The following TSPAN9 variants were observed in gnomAD, a reference collection of about 807,000 sequenced individuals.
The protein encoded by TSPAN9 is tetraspanin 9.
TSPAN9 carries 16 observed loss-of-function variants against 31.0 expected under a neutral mutation model. The ratio of observed to expected loss-of-function variants is 0.52; its 90% confidence interval spans 0.35 to 0.78. The LOEUF (loss-of-function observed/expected upper bound fraction) is 0.78, where lower values mean the gene tolerates loss of function less well. Among genes scored for constraint, TSPAN9 ranks in the 30% least tolerant of loss-of-function variants. TSPAN9 has a pLI of 0.01. For missense variants in TSPAN9, 272 were observed against 312.5 expected, an observed-to-expected ratio of 0.87 and a Z score of 0.98; for synonymous variants, 145 against 121.6, an observed-to-expected ratio of 1.19 and a Z score of -1.27.
At chr12:3,149,384 T>C (rs895134465) in intron 2 of TSPAN9, among the ~76,000 whole-genome samples, 5 of 152,232 alleles carry the variant, frequency 3.3e-5, no homozygotes, top group African/African-American at 1.2e-4. Context: ...GCCAGATACA[T>C]GCCTTGCCTT....
chr12:3,206,854 A>G (rs1409968695), intron 3 of TSPAN9, among the ~76,000 whole-genome samples: 1 of 152,234 alleles, frequency 6.6e-6, no homozygotes, highest in Non-Finnish European at 1.5e-5. Context: ...ATAACAGAGT[A>G]GAGCAAGTGA....
intron 2 of TSPAN9, among the ~76,000 whole-genome samples, chr12:3,116,697 C>G (rs1338453173): frequency 6.6e-6 from 1 of 152,152 alleles, no homozygotes; most frequent in Non-Finnish European, 1.5e-5. Flanking sequence ...AGGTTTTCAG[C>G]CCTGCCTTTC....
intron 2 of TSPAN9, among the ~76,000 whole-genome samples, chr12:3,131,306 A>T (rs2153966990): frequency 6.6e-6 from 1 of 152,304 alleles, no homozygotes; most frequent in Admixed American, 6.5e-5. Context: ...AGCAAGCGAC[A>T]GTGGGACTTG....
intron 2 of TSPAN9, among the ~76,000 whole-genome samples, chr12:3,140,146 G>A (rs1477418843): frequency 1.4e-4 from 1 of 6,940 alleles, no homozygotes. Flanking sequence ...TGTGGCCCGT[G>A]GACCTGGGCT....
At chr12:3,247,052 C>A (rs925269630) in intron 3 of TSPAN9, among the ~76,000 whole-genome samples, 5 of 152,124 alleles carry the variant, frequency 3.3e-5, no homozygotes, top group African/African-American at 1.2e-4. Context: ...TTTTTCAGGG[C>A]AGAGAAGAGG....
At chr12:3,209,618 G>A (rs1480835176) in intron 3 of TSPAN9, among the ~76,000 whole-genome samples, 1 of 152,158 alleles carries the variant, frequency 6.6e-6, no homozygotes, top group African/African-American at 2.4e-5. Context: ...GAGTGAGTCA[G>A]CTGATGGTGT....
chr12:3,203,095 G>A (rs1423450919), intron 3 of TSPAN9, among the ~76,000 whole-genome samples: 2 of 152,072 alleles, frequency 1.3e-5, no homozygotes, highest in Admixed American at 6.6e-5. Flanking sequence ...AGCCTTATTA[G>A]GAAGACAGAC....
intron 3 of TSPAN9, among the ~76,000 whole-genome samples, chr12:3,251,669 G>A (rs1862245561): frequency 6.6e-6 from 1 of 152,220 alleles, no homozygotes; most frequent in African/African-American, 2.4e-5. Flanking sequence ...TTAGTTTTAA[G>A]GGACAGAGGG....
At chr12:3,201,406 C>T in intron 3 of TSPAN9, 150 bp downstream of exon 3, 1 of 675,442 alleles carries the variant, frequency 1.5e-6, no homozygotes, top group Non-Finnish European at 2.5e-6. Flanking sequence ...CCCCGCCCCC[C>T]TTTCATGCAC....
chr12:3,249,824 A>G (rs115998689), intron 3 of TSPAN9, among the ~76,000 whole-genome samples: 2 of 152,150 alleles, frequency 1.3e-5, no homozygotes, highest in South Asian at 2.1e-4. Flanking sequence ...TGAACTCTGG[A>G]TGTCAGACTC....
At chr12:3,145,532 T>G (rs1368492816) in intron 2 of TSPAN9, among the ~76,000 whole-genome samples, 2 of 152,080 alleles carry the variant, frequency 1.3e-5, no homozygotes, top group Non-Finnish European at 2.9e-5. Flanking sequence ...GGCAGAAGAC[T>G]CAAGTGCATA....
intron 3 of TSPAN9, among the ~76,000 whole-genome samples, chr12:3,233,287 A>T (rs1412907558): frequency 6.6e-6 from 1 of 152,228 alleles, no homozygotes; most frequent in East Asian, 1.9e-4. Context: ...AATACAAAAG[A>T]ATACATGTAA....
At chr12:3,255,327 C>T (rs1857011188) in intron 3 of TSPAN9, among the ~76,000 whole-genome samples, 1 of 152,204 alleles carries the variant, frequency 6.6e-6, no homozygotes, top group South Asian at 2.1e-4. Context: ...GGAGACATGG[C>T]CCCCAGGCTG....
intron 2 of TSPAN9, among the ~76,000 whole-genome samples, chr12:3,175,904 G>A (rs1389438388): frequency 2.6e-5 from 4 of 152,258 alleles, no homozygotes; most frequent in Non-Finnish European, 2.9e-5. Flanking sequence ...TCTGGGAATC[G>A]GCACACTGCA....
intron 3 of TSPAN9, among the ~76,000 whole-genome samples, chr12:3,274,214 A>G (rs188927950): frequency 4.7e-4 from 72 of 152,306 alleles, no homozygotes; most frequent in Non-Finnish European, 8.5e-4. Flanking sequence ...GACATGCCAC[A>G]TGTTCCCTGG....
chr12:3,165,526 TAGTG>T (rs1365986028), intron 2 of TSPAN9, among the ~76,000 whole-genome samples: 4 of 152,136 alleles, frequency 2.6e-5, no homozygotes, highest in Non-Finnish European at 4.4e-5. Context: ...TTTAAAATGT[TAGTG>T]AGTGAGTTCT....
chr12:3,125,224 T>C (rs35630203), intron 2 of TSPAN9, among the ~76,000 whole-genome samples: 1 of 151,234 alleles, frequency 6.6e-6, no homozygotes, highest in Non-Finnish European at 1.5e-5. Context: ...TTTTTTTTTT[T>C]ATGTTATGTA....
rs1307943393 is a variant in TSPAN9, at chr12:3,280,662, G to A, written c.432+179G>A. Among the ~76,000 whole-genome samples, 1 of 152,230 alleles carries A rather than the reference G, an allele frequency of 6.6e-6. No individual in the cohort carries two copies. Among genetic ancestry groups the A allele is most frequent in the Non-Finnish European group, 1.5e-5 (1 of 68,046 alleles). On this transcript the variant is annotated intron_variant, in intron 6 of 8. Coordinates refer to ENST00000011898, the MANE Select transcript of TSPAN9 (RefSeq NM_006675.5). This position sits in a 1 kb window ranked among gnomAD's most constrained non-coding sequence, Gnocchi z 4.5. ...GCTGAGTCAGATGTGATACAGCAAGGTACAGCCAGGGAGGGATGAGGATAC... is the reference window on the plus strand; with the variant it reads ...GCTGAGTCAGATGTGATACAGCAAGATACAGCCAGGGAGGGATGAGGATAC...
intron 2 of TSPAN9, among the ~76,000 whole-genome samples, chr12:3,165,750 A>G (rs1364222050): frequency 1.3e-5 from 2 of 152,176 alleles, no homozygotes; most frequent in Non-Finnish European, 2.9e-5. Flanking sequence ...GAGATTAGCC[A>G]CTGAGCAGAG....
Sources: gnomAD v4.1 joint callset for allele counts (sites outside exome capture counted in the v4.1 genomes callset) on GRCh38, gnomAD v4.1.1 for gene constraint, Gnocchi (gnomAD v3.1) non-coding constraint, MANE v1.5 for transcripts, NCBI Gene and HGNC (gene_info 2026-07-23, HGNC 2026-07-21) for gene names.